Variants in CARMIL1 observed in about 807,000 individuals in gnomAD.
The protein encoded by CARMIL1 is capping protein regulator and myosin 1 linker 1.
CARMIL1 carries 90 observed loss-of-function variants against 177.1 expected under a neutral mutation model. The observed-to-expected ratio is 0.51, with a 90% CI of 0.43 to 0.61. CARMIL1 has a LOEUF of 0.61. CARMIL1 is among the 20% of genes least tolerant of loss of function. The pLI is 0.00. For synonymous variants in CARMIL1, 577 were observed against 606.2 expected (o/e 0.95, Z 0.71); for missense variants, 1,380 against 1,667.0 (o/e 0.83, Z 3.00).
In CARMIL1 at chr6:25,326,941, G is replaced by A. The variant is rs367578157; in HGVS notation, c.138+42032G>A. Among the ~76,000 whole-genome samples, 1 of 152,174 alleles carries A rather than the reference G, an allele frequency of 6.6e-6. No individual in the cohort carries two copies. Among genetic ancestry groups the A allele is most frequent in the East Asian group, 1.9e-4 (1 of 5,184 alleles). On this transcript the variant is annotated intron_variant, in intron 2 of 36. Coordinates refer to ENST00000329474, the MANE Select transcript of CARMIL1 (RefSeq NM_017640.6). The surrounding 1 kb of genome is among the most constrained non-coding windows in gnomAD (Gnocchi z 4.2). ...TTTATTGTGATGAGGGAGACTGGTGGGGGTAGCAAAAGGACATAACTTTTG... is the reference window on the plus strand; with the variant it reads ...TTTATTGTGATGAGGGAGACTGGTGAGGGTAGCAAAAGGACATAACTTTTG...
intron 5 of CARMIL1, among the ~76,000 whole-genome samples, chr6:25,436,468 A>G (rs1291758012): frequency 6.6e-6 from 1 of 152,162 alleles, no homozygotes; most frequent in African/African-American, 2.4e-5. Context: ...GATTTTGGGA[A>G]CAGTTGCCCT....
chr6:25,595,850 T>C (rs1814783692), intron 32 of CARMIL1, among the ~76,000 whole-genome samples: 1 of 152,182 alleles, frequency 6.6e-6, no homozygotes, highest in Admixed American at 6.5e-5. Flanking sequence ...CCAAATAGAA[T>C]GCTACTCTTC....
At chr6:25,375,369 A>C (rs1790870474) in intron 2 of CARMIL1, among the ~76,000 whole-genome samples, 1 of 152,186 alleles carries the variant, frequency 6.6e-6, no homozygotes, top group Non-Finnish European at 1.5e-5. Context: ...TTAGTCTGGT[A>C]TGTTTTCCCC....
chr6:25,592,260 C>G (rs1050681345), intron 31 of CARMIL1, among the ~76,000 whole-genome samples: 1 of 152,014 alleles, frequency 6.6e-6, no homozygotes, highest in African/African-American at 2.4e-5. Flanking sequence ...AAAGGGTAGA[C>G]ATAAGGGTGA....
intron 33 of CARMIL1, 127 bp from the exon 34 acceptor site, chr6:25,604,665 CCTATGGAGACAGGTCAGGCA>C (rs1815767407): frequency 9.3e-6 from 6 of 646,082 alleles, no homozygotes; most frequent in Non-Finnish European, 1.6e-5. Flanking sequence ...AGCCAGAGAG[CCTATGGAGACAGGTCAGGCA>C]CAGTCACCAT....
intron 2 of CARMIL1, among the ~76,000 whole-genome samples, chr6:25,390,312 ATATATATATTTTT>A (rs1202462697): frequency 1.0e-4 from 4 of 38,868 alleles, no homozygotes; most frequent in Admixed American, 5.5e-4. Flanking sequence ...ATATATATAT[ATATATATATTTTT>A]TTTTTTTTTT....
chr6:25,584,401 G>A (rs560219398), intron 31 of CARMIL1, among the ~76,000 whole-genome samples: 1 of 145,816 alleles, frequency 6.9e-6, no homozygotes, highest in African/African-American at 2.6e-5. Context: ...AGAGTCCTAT[G>A]TGAGGTGCAT....
intron 26 of CARMIL1, among the ~76,000 whole-genome samples, chr6:25,546,049 C>T (rs752462934): frequency 6.6e-6 from 1 of 152,054 alleles, no homozygotes; most frequent in Non-Finnish European, 1.5e-5. Context: ...AGGGGTGAAA[C>T]AAATATTGCA....
intron 4 of CARMIL1, among the ~76,000 whole-genome samples, chr6:25,429,361 T>G (rs1796539614): frequency 6.6e-6 from 1 of 152,108 alleles, no homozygotes; most frequent in African/African-American, 2.4e-5. Context: ...TGTTGTACCA[T>G]GAATCATAAA....
Position 25,488,379 on chromosome 6 carries a change from T to C in CARMIL1, c.962-103T>C, listed in dbSNP as rs9467526. On this transcript the variant is annotated intron_variant, in intron 12 of 36. Transcript: ENST00000329474. ...TCAGGGACAGTGCTCATGGTTAACC[T>C]CAGTCCTGCAATTTGATGGAAGTGT... 1.2e-3 allele frequency: 998 copies of C among 843,842 alleles called. 6 individuals are homozygous for C. In the African/African-American group the frequency reaches 0.014, roughly 12 times the overall value. 52.3% of individuals were successfully genotyped at this position (843,842 alleles called of 1,614,324 possible). A position where few individuals can be genotyped will look rare whatever the true frequency, so the allele number is the denominator to read the frequency against.
At chr6:25,452,067 C>G (rs775277449) in intron 8 of CARMIL1, 6 of 592,306 alleles carry the variant, frequency 1.0e-5, no homozygotes, top group Non-Finnish European at 1.9e-5. Context: ...GCAGTGTGGT[C>G]CCTGAAGAGC....
At position 25,509,618 on chromosome 6, in the gene CARMIL1, T is replaced by G. The variant is rs1327740344; in HGVS notation, c.1396-38T>G. On this transcript the variant is annotated intron_variant, in intron 17 of 36. Transcript: ENST00000329474. The surrounding 1 kb of genome is among the most constrained non-coding windows in gnomAD (Gnocchi z 4.1). ...TTTTTTGATTACATCTCCAGTAGAG[T>G]GAAGACTTTACTTTGTGTTTGGTTT... The G allele has an allele frequency of 1.4e-6, 2 of 1,383,456 alleles. No individual in the cohort carries two copies. The highest frequency in any genetic ancestry group is 2.0e-6 in the Non-Finnish European group (2 of 985,276). 85.7% of individuals were successfully genotyped at this position (1,383,456 alleles called of 1,614,324 possible). A position where few individuals can be genotyped will look rare whatever the true frequency, so the allele number is the denominator to read the frequency against.
In CARMIL1 at chr6:25,495,257, A is replaced by G. The variant is rs187280502; in HGVS notation, c.1325+42A>G. ...CTTTCTCCAGAGCTTTTAAAGTTCA[A>G]CTTATTTTTACGAATGTGCTTGAGG... On this transcript the variant is annotated intron_variant, in intron 16 of 36. Transcript: ENST00000329474. 2.3e-5 allele frequency: 32 copies of G among 1,363,976 alleles called. 1 individual carries two copies. In the Admixed American group the frequency reaches 5.6e-4, roughly 24 times the overall value. The allele number at this position is 1,363,976 out of a possible 1,614,324, so 84.5% of individuals were successfully genotyped here. A position where few individuals can be genotyped will look rare whatever the true frequency, so the allele number is the denominator to read the frequency against.
intron 29 of CARMIL1, among the ~76,000 whole-genome samples, chr6:25,569,002 C>T (rs1811821895): frequency 6.6e-6 from 1 of 152,188 alleles, no homozygotes; most frequent in South Asian, 2.1e-4. Flanking sequence ...GAAAATGTAC[C>T]CAACTTTTCA....
intron 2 of CARMIL1, among the ~76,000 whole-genome samples, chr6:25,388,731 A>T (rs1792437239): frequency 6.6e-6 from 1 of 151,974 alleles, no homozygotes; most frequent in South Asian, 2.1e-4. Flanking sequence ...GTGCAATGGC[A>T]TGATCATAGC....
At chr6:25,535,980 A>G (rs1383311414) in intron 24 of CARMIL1, among the ~76,000 whole-genome samples, 1 of 152,130 alleles carries the variant, frequency 6.6e-6, no homozygotes. Flanking sequence ...CTTAAAGACC[A>G]TTTTTGTTGA....
chr6:25,397,071 A>T (rs948713847), intron 2 of CARMIL1, among the ~76,000 whole-genome samples: 13 of 152,162 alleles, frequency 8.5e-5, no homozygotes. Flanking sequence ...TTGAGGGGGG[A>T]TACCAAGATG....
chr6:25,477,087 C>CAAAAA (rs1162798140), intron 11 of CARMIL1, among the ~76,000 whole-genome samples: 1 of 47,460 alleles, frequency 2.1e-5, no homozygotes. Flanking sequence ...AATTCCGTCT[C>CAAAAA]AAAAAAAAAA....
intron 2 of CARMIL1, among the ~76,000 whole-genome samples, chr6:25,301,847 C>T (rs183175100): frequency 1.9e-4 from 29 of 152,288 alleles, no homozygotes; most frequent in East Asian, 5.8e-4. Context: ...CTGCATAGGG[C>T]GTACTTCAGA....
Sources: gnomAD v4.1 joint callset for allele counts (sites outside exome capture counted in the v4.1 genomes callset) on GRCh38, gnomAD v4.1.1 for gene constraint, Gnocchi (gnomAD v3.1) non-coding constraint, MANE v1.5 for transcripts, NCBI Gene and HGNC (gene_info 2026-07-23, HGNC 2026-07-21) for gene names.